The following FOCAD variants were observed in gnomAD, a reference collection of about 807,000 sequenced individuals.
FOCAD encodes the protein focadhesin, also known as KIAA1797.
FOCAD carries 198 observed loss-of-function variants against 225.6 expected under a neutral mutation model. The ratio of observed to expected loss-of-function variants is 0.88; its 90% CI spans 0.78 to 0.99. FOCAD has a LOEUF of 0.99. Ranked by LOEUF, FOCAD falls within the 50% of genes least tolerant of loss-of-function variation. FOCAD has a pLI of 0.00. For synonymous variants in FOCAD, 897 were observed against 755.0 expected (o/e 1.19, Z -3.08); for missense variants, 2,713 against 2,123.6 (o/e 1.28, Z -5.46).
intron 8 of FOCAD, among the ~76,000 whole-genome samples, chr9:20,773,866 C>T (rs570564612): frequency 6.6e-6 from 1 of 152,150 alleles, no homozygotes; most frequent in South Asian, 2.1e-4. Context: ...GTATGGTGCC[C>T]TTTAATACAG....
At chr9:20,720,107 T>G (rs1241568607) in intron 3 of FOCAD, among the ~76,000 whole-genome samples, 1 of 152,198 alleles carries the variant, frequency 6.6e-6, no homozygotes, top group Admixed American at 6.5e-5. Context: ...TTTGTTGTGT[T>G]GCTTGAACTC....
chr9:20,921,871 C>T (rs1834465871), intron 24 of FOCAD, among the ~76,000 whole-genome samples: 1 of 152,052 alleles, frequency 6.6e-6, no homozygotes, highest in Non-Finnish European at 1.5e-5. Context: ...TTTATGTTAT[C>T]TTGTCTAATA....
intron 15 of FOCAD, among the ~76,000 whole-genome samples, chr9:20,838,156 A>T (rs758028988): frequency 5.3e-5 from 8 of 151,910 alleles, no homozygotes; most frequent in Non-Finnish European, 1.2e-4. Flanking sequence ...AAGGAATAGG[A>T]TTTCTTAGAG....
At chr9:20,698,637 G>A (rs1296588119) in intron 1 of FOCAD, among the ~76,000 whole-genome samples, 1 of 152,000 alleles carries the variant, frequency 6.6e-6, no homozygotes, top group African/African-American at 2.4e-5. Context: ...GCCTCCCAAA[G>A]TGTTGGGATT....
At chr9:20,820,912 C>G in intron 13 of FOCAD, 29 bp from the exon 14 acceptor site, 1 of 1,601,764 alleles carries the variant, frequency 6.2e-7, no homozygotes, top group African/African-American at 1.3e-5. Flanking sequence ...AGTTGGGAAA[C>G]TACCTTTTTT....
At chr9:20,950,670 A>G (rs1837604607) in intron 33 of FOCAD, among the ~76,000 whole-genome samples, 2 of 152,134 alleles carry the variant, frequency 1.3e-5, no homozygotes, top group African/African-American at 4.8e-5. Flanking sequence ...CCCCTTTTGT[A>G]CTTTCTGGAT....
chr9:20,918,400 C>G (rs1834051033), intron 24 of FOCAD, among the ~76,000 whole-genome samples: 1 of 152,154 alleles, frequency 6.6e-6, no homozygotes, highest in Non-Finnish European at 1.5e-5. Flanking sequence ...AAAACTAATT[C>G]ATGTTCTCAT....
chr9:20,679,562 A>G (rs1158926893), upstream of FOCAD, among the ~76,000 whole-genome samples: 39 of 151,444 alleles, frequency 2.6e-4, no homozygotes, highest in Non-Finnish European at 1.5e-5. Context: ...GAGTGGGCAC[A>G]TTTTTCTTAC....
intron 1 of FOCAD, among the ~76,000 whole-genome samples, chr9:20,686,550 G>A (rs1046060368): frequency 3.3e-5 from 5 of 152,166 alleles, no homozygotes; most frequent in Admixed American, 1.3e-4. Flanking sequence ...GGAAGTGTAA[G>A]GAAATAATAG....
intron 20 of FOCAD, among the ~76,000 whole-genome samples, chr9:20,883,307 A>G (rs1358385292): frequency 6.6e-6 from 1 of 152,234 alleles, no homozygotes; most frequent in African/African-American, 2.4e-5. Context: ...CCACAATAAT[A>G]ATGGAAACTT....
At chr9:20,663,363 C>G (rs1821793190) in intron 2 of FOCAD, among the ~76,000 whole-genome samples, 1 of 151,974 alleles carries the variant, frequency 6.6e-6, no homozygotes. Context: ...TCTGAAAAAA[C>G]AAGCAAGCAA....
rs543794046 is a variant in FOCAD, at chr9:20,862,030, T to G, written c.1921-548T>G. Among the ~76,000 whole-genome samples, 4 of 152,224 alleles carry G rather than the reference T, an allele frequency of 2.6e-5. No homozygotes were observed. In the East Asian group the frequency reaches 5.8e-4, roughly 22 times the overall value. On this transcript the variant is annotated intron_variant, in intron 15 of 43. Coordinates refer to ENST00000338382, the MANE Select transcript of FOCAD (RefSeq NM_001375567.1). The stretch of plus-strand genomic sequence containing the variant: ...CCTCTTAAAAAACCGGAATTAACTT[T>G]TAAGACATCTTAAATTATTATGTTA...
intron 18 of FOCAD, among the ~76,000 whole-genome samples, chr9:20,870,288 G>T (rs1470285760): frequency 6.6e-6 from 1 of 152,168 alleles, no homozygotes; most frequent in Non-Finnish European, 1.5e-5. Flanking sequence ...TTCATCAGAA[G>T]CTGTTTCTCT....
At chr9:20,897,612 A>G (rs1282103691) in intron 21 of FOCAD, among the ~76,000 whole-genome samples, 1 of 151,758 alleles carries the variant, frequency 6.6e-6, no homozygotes, top group African/African-American at 2.4e-5. Flanking sequence ...AAACAACACT[A>G]TACCACTTCA....
At chr9:20,838,265 C>T (rs1276598461) in intron 15 of FOCAD, among the ~76,000 whole-genome samples, 1 of 151,410 alleles carries the variant, frequency 6.6e-6, no homozygotes, top group Non-Finnish European at 1.5e-5. Context: ...CATTATACCA[C>T]ATAGGTCTTT....
At chr9:20,918,925 C>T (rs1396233209) in intron 24 of FOCAD, among the ~76,000 whole-genome samples, 1 of 152,156 alleles carries the variant, frequency 6.6e-6, no homozygotes, top group Non-Finnish European at 1.5e-5. Context: ...AGGCCTTCAC[C>T]ACTGCCCGCT....
At chr9:20,731,662 G>C (rs572402731) in intron 4 of FOCAD, among the ~76,000 whole-genome samples, 21 of 152,238 alleles carry the variant, frequency 1.4e-4, no homozygotes, top group African/African-American at 5.1e-4. Context: ...TTGTTGCCCA[G>C]GCTGGAGTGC....
intron 15 of FOCAD, among the ~76,000 whole-genome samples, chr9:20,851,648 G>T (rs1309569763): frequency 6.6e-6 from 1 of 151,826 alleles, no homozygotes; most frequent in Non-Finnish European, 1.5e-5. Flanking sequence ...AGAATCTCAG[G>T]CTCTACTCTA....
chr9:20,941,874 G>A (rs900442565), intron 28 of FOCAD, among the ~76,000 whole-genome samples: 4 of 152,116 alleles, frequency 2.6e-5, no homozygotes, highest in Non-Finnish European at 5.9e-5. Context: ...TTCAAAGCTG[G>A]CAGACATATC....
Sources: gnomAD v4.1 joint callset for allele counts (sites outside exome capture counted in the v4.1 genomes callset) on GRCh38, gnomAD v4.1.1 for gene constraint, MANE v1.5 for transcripts, NCBI Gene and HGNC (gene_info 2026-07-23, HGNC 2026-07-21) for gene names.